The following PRKG1 variants were observed in gnomAD, a reference collection of about 807,000 sequenced individuals.
The protein encoded by PRKG1 is cGMP-dependent protein kinase 1.
A neutral mutation model predicts 88.1 loss-of-function variants in PRKG1; 35 were observed. That is an observed-to-expected ratio of 0.40 (90% CI 0.30 to 0.53). The LOEUF (loss-of-function observed/expected upper bound fraction) is 0.53. PRKG1 is among the 20% of genes least tolerant of loss of function. PRKG1 has a pLI of 0.59. For synonymous variants in PRKG1, 303 were observed against 292.5 expected, an observed-to-expected ratio of 1.04 and a Z score of -0.37; for missense variants, 540 against 839.8, an observed-to-expected ratio of 0.64 and a Z score of 4.41.
At chr10:52,053,470 C>T (rs948002074) in intron 5 of PRKG1, among the ~76,000 whole-genome samples, 5 of 152,100 alleles carry the variant, frequency 3.3e-5, no homozygotes, top group African/African-American at 7.2e-5. Flanking sequence ...ATGTAAACCA[C>T]GAATTCTGTT....
Position 51,040,919 on chromosome 10 carries a change from C to A in PRKG1, c.266+49275C>A, listed in dbSNP as rs1383134603. Among the ~76,000 whole-genome samples, 3 of 152,030 alleles carry A rather than the reference C, an allele frequency of 2.0e-5. No homozygotes were observed. In the East Asian group the frequency reaches 5.8e-4, roughly 29 times the overall value. On this transcript the variant is annotated intron_variant, in intron 1 of 17. Transcript: ENST00000401604. ...GTTTTTTTCACATATAAGTTTATAT[C>A]ATCTGTAAACAAGGATAATTTGACT...
At chr10:51,610,858 G>A (rs183235760) in intron 3 of PRKG1, among the ~76,000 whole-genome samples, 14 of 152,026 alleles carry the variant, frequency 9.2e-5, no homozygotes, top group South Asian at 2.1e-4. Context: ...ACATGAACAC[G>A]GGGAGGGGAA....
chr10:51,797,383 A>G (rs1839041393), intron 3 of PRKG1, among the ~76,000 whole-genome samples: 1 of 146,260 alleles, frequency 6.8e-6, no homozygotes, highest in Non-Finnish European at 1.5e-5. Flanking sequence ...TAAAATATAT[A>G]TTATATATCT....
At chr10:50,999,456 T>C (rs1422859306) in intron 1 of PRKG1, among the ~76,000 whole-genome samples, 10 of 152,232 alleles carry the variant, frequency 6.6e-5, no homozygotes. Context: ...TCAATTATCC[T>C]CTCGGACTTA....
At position 52,193,494 on chromosome 10, in the gene PRKG1, G is replaced by T. The variant is rs571489052; in HGVS notation, c.1076+31531G>T. 4.8e-3 allele frequency among the ~76,000 whole-genome samples: 667 copies of T among 139,360 alleles called. 6 individuals carry two copies. The highest frequency in any genetic ancestry group is 0.017 in the African/African-American group (631 of 36,700). The allele number at this position is 139,360 out of a possible 152,430, so 91.4% of individuals were successfully genotyped here. A position where few individuals can be genotyped will look rare whatever the true frequency, so the allele number is the denominator to read the frequency against. ...ACCCAGGAGGTGGAGGTTGCAGTGAGCTGAGATTGCACTAGTGCACTCCAG... is the reference window on the plus strand; with the variant it reads ...ACCCAGGAGGTGGAGGTTGCAGTGATCTGAGATTGCACTAGTGCACTCCAG... On this transcript the variant is annotated intron_variant, in intron 9 of 17. Coordinates refer to ENST00000373980, the MANE Select transcript of PRKG1 (RefSeq NM_006258.4).
chr10:51,759,611 G>A (rs1218902041), intron 3 of PRKG1, among the ~76,000 whole-genome samples: 1 of 152,124 alleles, frequency 6.6e-6, no homozygotes, highest in Admixed American at 6.6e-5. Context: ...TGTTAAGTTA[G>A]GACAAGGTAA....
At chr10:51,006,936 ATTT>A (rs34941069) in intron 1 of PRKG1, among the ~76,000 whole-genome samples, 24 of 116,758 alleles carry the variant, frequency 2.1e-4, no homozygotes, top group Admixed American at 2.7e-4. Context: ...AGGGCCTGAG[ATTT>A]TTTTTTTTTT....
chr10:52,048,374 A>G (rs963501460), intron 5 of PRKG1, among the ~76,000 whole-genome samples: 4 of 152,188 alleles, frequency 2.6e-5, no homozygotes, highest in African/African-American at 9.7e-5. Flanking sequence ...GTTTTAGTTT[A>G]TATTAACTGA....
rs139713437 is a variant in PRKG1, at chr10:51,021,711, A to G, written c.266+30067A>G. 1.6e-3 allele frequency among the ~76,000 whole-genome samples: 241 copies of G among 152,100 alleles called. 1 individual carries two copies. The highest frequency in any genetic ancestry group is 5.7e-3 in the African/African-American group (238 of 41,498). On this transcript the variant is annotated intron_variant, in intron 1 of 17. Coordinates refer to the PRKG1 transcript ENST00000401604. ...TGCTTTGTTTTTGAGGTGAAGTCTCACTCTTGTCACCCAGGCTGGAGTGCA... is the reference window on the plus strand; with the variant it reads ...TGCTTTGTTTTTGAGGTGAAGTCTCGCTCTTGTCACCCAGGCTGGAGTGCA...
At chr10:51,328,656 A>C (rs1384573581) in intron 2 of PRKG1, among the ~76,000 whole-genome samples, 1 of 152,140 alleles carries the variant, frequency 6.6e-6, no homozygotes, top group African/African-American at 2.4e-5. Flanking sequence ...TTTTCTCCAC[A>C]TCTTCGGTGA....
At chr10:51,513,107 T>C (rs539284878) in intron 3 of PRKG1, among the ~76,000 whole-genome samples, 3 of 151,936 alleles carry the variant, frequency 2.0e-5, no homozygotes, top group Admixed American at 2.0e-4. Flanking sequence ...CCCCATCTCA[T>C]GTGCAGAGAC....
chr10:52,069,294 G>A (rs1239030460), intron 7 of PRKG1, among the ~76,000 whole-genome samples: 1 of 152,108 alleles, frequency 6.6e-6, no homozygotes, highest in Non-Finnish European at 1.5e-5. Context: ...ACGTTGGTAG[G>A]CTGAGGCAGG....
chr10:52,053,367 G>A (rs1846035987), intron 5 of PRKG1, among the ~76,000 whole-genome samples: 2 of 152,154 alleles, frequency 1.3e-5, no homozygotes, highest in African/African-American at 2.4e-5. Context: ...TTAATGAAAG[G>A]CAATTTTAAG....
intron 4 of PRKG1, among the ~76,000 whole-genome samples, chr10:51,834,697 AG>A (rs1840086035): frequency 7.2e-6 from 1 of 139,556 alleles, no homozygotes; most frequent in African/African-American, 3.2e-5. Flanking sequence ...AGAAAGAAAG[AG>A]AGAGAGAGAA....
intron 7 of PRKG1, chr10:52,081,613 G>A: frequency 2.2e-6 from 1 of 456,630 alleles, no homozygotes; most frequent in Non-Finnish European, 4.4e-6. Context: ...GGGAAATACT[G>A]ATGGAGAAGC....
intron 5 of PRKG1, among the ~76,000 whole-genome samples, chr10:51,934,235 T>C (rs773544527): frequency 1.5e-4 from 23 of 148,854 alleles, no homozygotes; most frequent in Non-Finnish European, 3.1e-4. Context: ...TAGGGTTGTG[T>C]GCATGATTAC....
chr10:51,767,165 C>T (rs1001780182), intron 3 of PRKG1, among the ~76,000 whole-genome samples: 5 of 152,108 alleles, frequency 3.3e-5, no homozygotes, highest in South Asian at 2.1e-4. Context: ...CAGATCTCCC[C>T]GTTTTCTGCT....
chr10:52,164,276 G>GGGAGGT lies in PRKG1; in HGVS notation c.1076+2320_1076+2325dup, dbSNP rs529340689. Among the ~76,000 whole-genome samples the GGGAGGT allele has an allele frequency of 5.3e-5, 8 of 152,078 alleles. No homozygotes were observed. The South Asian group carries it at 1.7e-3, about 32-fold the overall frequency. ...TGAGGCAGGAGAATCACTTGAACCT[G>GGGAGGT]GGAGGTGGAGGTTGCCGTGAGCCAA... On this transcript the variant is annotated intron_variant, in intron 9 of 17. Coordinates refer to ENST00000373980, the MANE Select transcript of PRKG1 (RefSeq NM_006258.4).
At chr10:51,689,551 A>C (rs1009921253) in intron 3 of PRKG1, among the ~76,000 whole-genome samples, 1 of 152,310 alleles carries the variant, frequency 6.6e-6, no homozygotes, top group East Asian at 1.9e-4. Flanking sequence ...GAGAATATGG[A>C]TTAATCCCAT....
Sources: allele counts gnomAD v4.1 joint callset (sites outside exome capture counted in the v4.1 genomes callset), GRCh38; gene constraint gnomAD v4.1.1; transcripts MANE v1.5; gene names NCBI Gene and HGNC (gene_info 2026-07-23, HGNC 2026-07-21).